Variants in SGCD observed in about 807,000 individuals in gnomAD.
SGCD encodes the protein delta-sarcoglycan.
SGCD carries 18 observed loss-of-function variants against 36.6 expected under a neutral mutation model. The ratio of observed to expected loss-of-function variants is 0.49; its 90% confidence interval spans 0.34 to 0.73. The LOEUF (loss-of-function observed/expected upper bound fraction) is 0.73, where lower values mean the gene tolerates loss of function less well. Among genes scored for constraint, SGCD ranks in the 30% least tolerant of loss-of-function variants. SGCD has a pLI of 0.01. For missense variants in SGCD, 387 were observed against 346.7 expected, an observed-to-expected ratio of 1.12 and a Z score of -0.92; for synonymous variants, 133 against 130.6, an observed-to-expected ratio of 1.02 and a Z score of -0.12.
intron 3 of SGCD, among the ~76,000 whole-genome samples, chr5:156,378,762 G>A (rs1187192315): frequency 3.3e-5 from 5 of 151,908 alleles, no homozygotes; most frequent in African/African-American, 9.7e-5. Flanking sequence ...CTTGTCACAT[G>A]TAAAAGGCAA....
At chr5:156,246,765 AC>A (rs1327372757) in intron 3 of SGCD, among the ~76,000 whole-genome samples, 9 of 152,148 alleles carry the variant, frequency 5.9e-5, no homozygotes, top group African/African-American at 1.9e-4. Context: ...GTAATTCAGC[AC>A]CTTTTTCTAT....
chr5:156,443,495 G>A (rs1753596012), intron 3 of SGCD, among the ~76,000 whole-genome samples: 2 of 152,132 alleles, frequency 1.3e-5, no homozygotes, highest in African/African-American at 4.8e-5. Context: ...GACTGTGGGT[G>A]TTAGAAGTTG....
chr5:155,974,885 C>T (rs921232468), intron 1 of SGCD, among the ~76,000 whole-genome samples: 1 of 151,986 alleles, frequency 6.6e-6, no homozygotes, highest in Non-Finnish European at 1.5e-5. Context: ...ACCTCTCTAA[C>T]CCCCCATCCT....
chr5:156,516,604 C>T lies in SGCD; in HGVS notation c.294+7902C>T, dbSNP rs80098174. On this transcript the variant is annotated intron_variant, in intron 4 of 8. Transcript: ENST00000337851. Reference sequence around the variant, plus strand: ...GAAAACTCAAAAGGCCAGAGTGCCTCATCTCCTCCAAATGATTGCAGCACC... The same window carrying T: ...GAAAACTCAAAAGGCCAGAGTGCCTTATCTCCTCCAAATGATTGCAGCACC... 7.2e-5 allele frequency among the ~76,000 whole-genome samples: 11 copies of T among 152,334 alleles called. No individual in the cohort carries two copies. The East Asian group carries it at 1.9e-3, about 27-fold the overall frequency.
At chr5:156,043,558 C>T (rs1170422342) in intron 1 of SGCD, among the ~76,000 whole-genome samples, 1 of 152,128 alleles carries the variant, frequency 6.6e-6, no homozygotes, top group East Asian at 1.9e-4. Flanking sequence ...TCTTAAGACA[C>T]TTTCTCAGCA....
chr5:156,495,438 C>G (rs865878841), intron 3 of SGCD, among the ~76,000 whole-genome samples: 3 of 152,284 alleles, frequency 2.0e-5, no homozygotes, highest in Middle Eastern at 3.4e-3. Flanking sequence ...GCACTGGGCC[C>G]TTTGAAGCTG....
chr5:156,076,189 G>A (rs1055979130), intron 1 of SGCD, among the ~76,000 whole-genome samples: 7 of 151,704 alleles, frequency 4.6e-5, no homozygotes, highest in Admixed American at 1.3e-4. Context: ...TTTTGCTCTG[G>A]TTGCTTCAAA....
intron 1 of SGCD, among the ~76,000 whole-genome samples, chr5:155,951,779 G>A (rs1463094129): frequency 6.6e-6 from 1 of 152,102 alleles, no homozygotes; most frequent in African/African-American, 2.4e-5. Flanking sequence ...TTTGGGTTAG[G>A]GTCTGACCTG....
At chr5:156,176,209 C>G (rs560582277) in intron 3 of SGCD, among the ~76,000 whole-genome samples, 71 of 152,112 alleles carry the variant, frequency 4.7e-4, no homozygotes, top group African/African-American at 1.6e-3. Context: ...ACTGAATCTA[C>G]TGAATAGTAG....
At chr5:156,578,765 C>T (rs1045427522) in intron 4 of SGCD, among the ~76,000 whole-genome samples, 10 of 152,140 alleles carry the variant, frequency 6.6e-5, no homozygotes, top group African/African-American at 2.4e-4. Context: ...GTGATATCCC[C>T]ATTATCATGT....
At chr5:155,876,706 G>A (rs1034284556) in intron 1 of SGCD, among the ~76,000 whole-genome samples, 2 of 151,988 alleles carry the variant, frequency 1.3e-5, no homozygotes, top group African/African-American at 2.4e-5. Context: ...TGTCTATGTA[G>A]GTTTACTTAG....
At chr5:155,923,574 G>C (rs898889501) in intron 1 of SGCD, among the ~76,000 whole-genome samples, 143 of 152,228 alleles carry the variant, frequency 9.4e-4, no homozygotes, top group African/African-American at 3.3e-3. Context: ...AAGGCCCTTG[G>C]AAAAACCATC....
At chr5:156,586,887 T>G (rs1561797107) in intron 4 of SGCD, among the ~76,000 whole-genome samples, 2 of 152,216 alleles carry the variant, frequency 1.3e-5, no homozygotes, top group Non-Finnish European at 2.9e-5. Flanking sequence ...AGTTTTAAAG[T>G]GGTTCTAGAG....
At chr5:155,838,030 G>A in the SGCD span, among the ~76,000 whole-genome samples, 36 of 152,174 alleles carry the variant, frequency 2.4e-4, no homozygotes, top group East Asian at 1.7e-3. Context: ...TTGTGAACCC[G>A]TCACACAGTC....
chr5:155,884,826 T>C (rs1463156743), intron 1 of SGCD, among the ~76,000 whole-genome samples: 2 of 119,718 alleles, frequency 1.7e-5, no homozygotes, highest in Non-Finnish European at 3.3e-5. Context: ...GAACTTGTGA[T>C]AATTAAATGA....
the SGCD span, among the ~76,000 whole-genome samples, chr5:155,824,556 A>T: frequency 1.4e-4 from 22 of 152,332 alleles, no homozygotes; most frequent in Non-Finnish European, 3.1e-4. Flanking sequence ...ATTTCTTAAT[A>T]TTGATAATGA....
intron 1 of SGCD, among the ~76,000 whole-genome samples, chr5:155,972,745 T>C (rs1758031776): frequency 6.6e-6 from 1 of 152,156 alleles, no homozygotes; most frequent in East Asian, 1.9e-4. Flanking sequence ...TATCAGGCAG[T>C]TTTAGTCCTA....
rs1581548596 is a variant in SGCD, at chr5:156,767,032, A to G, written c.*7642A>G. On this transcript the variant is annotated 3_prime_UTR_variant, in exon 9 of 9. Coordinates refer to ENST00000337851, the MANE Select transcript of SGCD (RefSeq NM_000337.6). ...AAAGGATGAGCCAAAAATGAAAAAG[A>G]CTCGACTCTACAGTAAGTCAGTCAG... 1 of 152,206 alleles carries G rather than the reference A, an allele frequency of 6.6e-6. No homozygotes were observed. The highest frequency in any genetic ancestry group is 3.4e-3 in the Middle Eastern group (1 of 294). 9.4% of individuals were successfully genotyped at this position (152,206 alleles called of 1,614,324 possible).
chr5:156,193,240 C>T (rs76937444), intron 3 of SGCD, among the ~76,000 whole-genome samples: 1,625 of 152,210 alleles, frequency 0.011, 39 homozygotes, highest in African/African-American at 0.037. Flanking sequence ...AAGACTTTCT[C>T]AAGTCACTGT....
Sources: allele counts gnomAD v4.1 joint callset (sites outside exome capture counted in the v4.1 genomes callset), GRCh38; gene constraint gnomAD v4.1.1; transcripts MANE v1.5; gene names NCBI Gene and HGNC (gene_info 2026-07-23, HGNC 2026-07-21).